JAKMIP1: variants seen among roughly 807,000 people sequenced by gnomAD.
The protein encoded by JAKMIP1 is janus kinase and microtubule interacting protein 1.
JAKMIP1 carries 33 observed loss-of-function variants against 113.0 expected under a neutral mutation model. That is an observed-to-expected ratio of 0.29 (90% CI 0.22 to 0.39). The LOEUF is 0.39. Among genes scored for constraint, JAKMIP1 ranks in the 10% least tolerant of loss-of-function variants. The pLI, the probability that JAKMIP1 is intolerant of heterozygous loss-of-function variation, is 1.00. For missense variants in JAKMIP1, 813 were observed against 1,080.5 expected (o/e 0.75, Z 3.47); for synonymous variants, 480 against 459.9 (o/e 1.04, Z -0.56).
intron 1 of JAKMIP1, among the ~76,000 whole-genome samples, chr4:6,151,128 C>T (rs1721525395): frequency 6.6e-6 from 1 of 152,194 alleles, no homozygotes; most frequent in Admixed American, 6.5e-5. Flanking sequence ...AGCTTGTCTC[C>T]TGCTGCCCTC....
rs1718334458 is a variant in JAKMIP1, at chr4:6,067,668, T to A, written c.1303-2660A>T. Reference sequence around the variant, plus strand: ...GCACACACACACACAGGTCACCCCCTGAGCTCCAGGTTCACTCAAGCTCTT... The same window carrying A: ...GCACACACACACACAGGTCACCCCCAGAGCTCCAGGTTCACTCAAGCTCTT... On this transcript the variant is annotated intron_variant, in intron 8 of 20. Coordinates refer to ENST00000409021, the MANE Select transcript of JAKMIP1 (RefSeq NM_001099433.2). The surrounding 1 kb of genome is among the most constrained non-coding windows in gnomAD (Gnocchi z 4.6). Among the ~76,000 whole-genome samples, 1 of 149,936 alleles carries A rather than the reference T, an allele frequency of 6.7e-6. No homozygotes were observed. The highest frequency in any genetic ancestry group is 1.5e-5 in the Non-Finnish European group (1 of 67,456).
chr4:6,103,966 C>T (rs1713497704), intron 3 of JAKMIP1, among the ~76,000 whole-genome samples: 1 of 152,146 alleles, frequency 6.6e-6, no homozygotes, highest in Non-Finnish European at 1.5e-5. Flanking sequence ...TATTTCACTG[C>T]TTCTTGCTCT....
At position 6,048,930 on chromosome 4, in the gene JAKMIP1, A is replaced by C; in HGVS notation, c.1963-8T>G. On this transcript the variant is annotated splice_polypyrimidine_tract_variant and splice_region_variant and intron_variant, in intron 15 of 20. Coordinates refer to ENST00000409021, the MANE Select transcript of JAKMIP1 (RefSeq NM_001099433.2). The stretch of plus-strand genomic sequence containing the variant: ...TTCTTCATTTCTCAAATTCTAAAAC[A>C]CAAAAATGGGCAAGGGCATTTGACA... The C allele has an allele frequency of 1.2e-6, 2 of 1,613,132 alleles. No homozygotes were observed. Among genetic ancestry groups the C allele is most frequent in the Non-Finnish European group, 1.7e-6 (2 of 1,179,166 alleles).
rs187591855 is a variant in JAKMIP1 at position 6,136,824 on chromosome 4, G to A, written c.-147-23827C>T. 4.3e-4 allele frequency among the ~76,000 whole-genome samples: 66 copies of A among 152,234 alleles called. No individual in the cohort carries two copies. The highest frequency in any genetic ancestry group is 1.4e-3 in the African/African-American group (57 of 41,550). On this transcript the variant is annotated intron_variant, in intron 1 of 20. Transcript: ENST00000409021. This position sits in a 1 kb window ranked among gnomAD's most constrained non-coding sequence, Gnocchi z 5.9. The stretch of plus-strand genomic sequence containing the variant: ...CACAGAAAGCCCTCGAGAACCACTG[G>A]CAGAAAGCAAAAAGCTAGTTACCAG...
chr4:6,078,975 G>A lies in JAKMIP1; in HGVS notation c.1266C>T (p.Ser422=), dbSNP rs1342788662. 1 of 1,614,172 alleles carries A rather than the reference G, an allele frequency of 6.2e-7. No homozygotes were observed. The highest frequency in any genetic ancestry group is 1.1e-5 in the South Asian group (1 of 91,084). ...LSLERERLLR[S]KRHRGKSLKP... ...TCAGACTTTTCCCTCGATGCCTTTTGGAGCGCAACAGCCGTTCTCTCTCCT... is the reference window on the plus strand; with the variant it reads ...TCAGACTTTTCCCTCGATGCCTTTTAGAGCGCAACAGCCGTTCTCTCTCCT... Residue 422 remains serine, a synonymous_variant, in exon 8 of 21, where the codon TCC becomes TCT. Transcript: ENST00000409021.
At chr4:6,034,894 T>C (rs1040468275) in intron 19 of JAKMIP1, among the ~76,000 whole-genome samples, 1 of 152,210 alleles carries the variant, frequency 6.6e-6, no homozygotes, top group African/African-American at 2.4e-5. Context: ...GTAAAGCAGA[T>C]GAGCCTCCAT....
chr4:6,140,458 A>G lies in JAKMIP1; in HGVS notation c.-147-27461T>C, dbSNP rs1012327671. Among the ~76,000 whole-genome samples the G allele has an allele frequency of 3.9e-5, 6 of 151,992 alleles. 1 individual carries two copies. The South Asian group carries it at 1.2e-3, about 32-fold the overall frequency. On this transcript the variant is annotated intron_variant, in intron 1 of 20. Coordinates refer to ENST00000409021, the MANE Select transcript of JAKMIP1 (RefSeq NM_001099433.2). The surrounding 1 kb of genome is among the most constrained non-coding windows in gnomAD (Gnocchi z 9.4). ...GGAGTGTGTGCTCAGGTCCTGCTTCATCAACACTGGGGGTCAGTGATTCGT... is the reference window on the plus strand; with the variant it reads ...GGAGTGTGTGCTCAGGTCCTGCTTCGTCAACACTGGGGGTCAGTGATTCGT...
intron 12 of JAKMIP1, chr4:6,054,925 G>C (rs1334274409): frequency 2.2e-6 from 1 of 447,950 alleles, no homozygotes; most frequent in South Asian, 1.6e-5. Flanking sequence ...ATGGGATGAG[G>C]GGGTGAGGGT....
intron 8 of JAKMIP1, chr4:6,070,161 A>AT (rs1718756020): frequency 2.5e-6 from 1 of 398,636 alleles, no homozygotes; most frequent in South Asian, 1.3e-4. Flanking sequence ...GACATATTCC[A>AT]TGGTGGCGTG....
chr4:6,152,564 A>T (rs1721700981), intron 1 of JAKMIP1, among the ~76,000 whole-genome samples: 1 of 152,114 alleles, frequency 6.6e-6, no homozygotes, highest in South Asian at 2.1e-4. Flanking sequence ...GTGACCCTTT[A>T]ACCCCTATAT....
chr4:6,125,598 A>AACAC (rs111906803), intron 1 of JAKMIP1, among the ~76,000 whole-genome samples: 2,091 of 112,086 alleles, frequency 0.019, 118 homozygotes, highest in African/African-American at 0.063. Flanking sequence ...ACCATGCAGA[A>AACAC]ACACACACAC....
Position 6,065,112 on chromosome 4 carries a change from T to G in JAKMIP1, c.1303-104A>C. 9 of 1,401,954 alleles carry G rather than the reference T, an allele frequency of 6.4e-6. No individual in the cohort carries two copies. Among genetic ancestry groups the G allele is most frequent in the Non-Finnish European group, 8.0e-6 (8 of 1,003,092 alleles). 86.8% of individuals were successfully genotyped at this position (1,401,954 alleles called of 1,614,324 possible). A position where few individuals can be genotyped will look rare whatever the true frequency, so the allele number is the denominator to read the frequency against. ...AGTGCAGGGGGGTGATGATTGACAT[T>G]TGGGCCACTGGGGCATCACAAGATG... On this transcript the variant is annotated intron_variant, in intron 8 of 20. Coordinates refer to ENST00000409021, the MANE Select transcript of JAKMIP1 (RefSeq NM_001099433.2). This position sits in a 1 kb window ranked among gnomAD's most constrained non-coding sequence, Gnocchi z 5.1.
chr4:6,169,980 TACCACCACC>T (rs200501521), intron 1 of JAKMIP1, among the ~76,000 whole-genome samples: 19 of 107,866 alleles, frequency 1.8e-4, no homozygotes, highest in South Asian at 6.5e-4. Context: ...CCACCACCAC[TACCACCACC>T]ACCACCACCA....
At chr4:6,085,322 A>G (rs1721140160) in intron 4 of JAKMIP1, 98 bp downstream of exon 4, 62 of 991,080 alleles carry the variant, frequency 6.3e-5, no homozygotes, top group Middle Eastern at 3.2e-4. Flanking sequence ...GAATGAGTGA[A>G]TACATGCCAC....
rs542581742 is a variant in JAKMIP1 at position 6,056,017 on chromosome 4, G to A, written c.1707+680C>T. ...CCCATCTCTGCAGGGTATCCCCAGA[G>A]GTCGGGGCAGCCCTCCTCATTTCTG... On this transcript the variant is annotated intron_variant, in intron 12 of 20. Coordinates refer to ENST00000409021, the MANE Select transcript of JAKMIP1 (RefSeq NM_001099433.2). Among the ~76,000 whole-genome samples, 803 of 149,924 alleles carry A rather than the reference G, an allele frequency of 5.4e-3. 4 individuals are homozygous for A. The highest frequency in any genetic ancestry group is 9.1e-3 in the Non-Finnish European group (614 of 67,474).
intron 1 of JAKMIP1, among the ~76,000 whole-genome samples, chr4:6,163,886 T>A (rs1037716046): frequency 6.6e-6 from 1 of 152,168 alleles, no homozygotes; most frequent in East Asian, 1.9e-4. Flanking sequence ...GCCCTAACTC[T>A]CCTGAAGGCT....
rs369999052 is a variant in JAKMIP1, at chr4:6,197,609, G to A, written c.-148+2644C>T. On this transcript the variant is annotated intron_variant, in intron 1 of 20. Transcript: ENST00000409021. The surrounding 1 kb of genome is among the most constrained non-coding windows in gnomAD (Gnocchi z 6.5). ...TTCAGAAGCCCTGCAGGTTGATCCC[G>A]TCGCCACTATGGGGAGAGGAGTGAC... 2.6e-5 allele frequency among the ~76,000 whole-genome samples: 4 copies of A among 152,314 alleles called. No individual in the cohort carries two copies. In the South Asian group the frequency reaches 6.2e-4, roughly 24 times the overall value.
intron 20 of JAKMIP1, among the ~76,000 whole-genome samples, chr4:6,028,643 C>G (rs1333019717): frequency 6.6e-6 from 1 of 152,178 alleles, no homozygotes; most frequent in Non-Finnish European, 1.5e-5. Flanking sequence ...AGTCAGCTTC[C>G]TCTCTCACAA....
rs1013339807 is a variant in JAKMIP1 at position 6,076,353 on chromosome 4, T to C, written c.1302+2586A>G. On this transcript the variant is annotated intron_variant, in intron 8 of 20. Transcript: ENST00000409021. The surrounding 1 kb of genome is among the most constrained non-coding windows in gnomAD (Gnocchi z 4.8). ...TGGGCCTTGTAGTCTCAGACTTGAG[T>C]TTGAAACTCAGCCTTGTCAATTTAA... 1.3e-5 allele frequency among the ~76,000 whole-genome samples: 2 copies of C among 152,152 alleles called. No individual in the cohort carries two copies. Among genetic ancestry groups the C allele is most frequent in the Admixed American group, 6.5e-5 (1 of 15,272 alleles).
Sources: allele counts gnomAD v4.1 joint callset (sites outside exome capture counted in the v4.1 genomes callset), GRCh38; gene constraint gnomAD v4.1.1; non-coding constraint Gnocchi (gnomAD v3.1); transcripts MANE v1.5; gene names NCBI Gene and HGNC (gene_info 2026-07-23, HGNC 2026-07-21).